CRPPA: variants seen among roughly 807,000 people sequenced by gnomAD.
The protein encoded by CRPPA is D-ribitol-5-phosphate cytidylyltransferase.
A neutral mutation model predicts 52.0 loss-of-function variants in CRPPA; 43 were observed. The observed-to-expected ratio is 0.83, with a 90% CI of 0.65 to 1.07. The LOEUF is 1.07. Ranked by LOEUF, CRPPA falls within the 50% of genes least tolerant of loss-of-function variation. The pLI is 0.00. For synonymous variants in CRPPA, 250 were observed against 203.5 expected, an observed-to-expected ratio of 1.23 and a Z score of -1.94; for missense variants, 629 against 551.7, an observed-to-expected ratio of 1.14 and a Z score of -1.40.
chr7:16,347,952 C>T (rs1786056908), intron 3 of CRPPA, among the ~76,000 whole-genome samples: 1 of 152,182 alleles, frequency 6.6e-6, no homozygotes, highest in Admixed American at 6.5e-5. Context: ...GGCACAAAAG[C>T]ACTTCCAGGG....
chr7:16,221,616 C>A (rs1279536044), intron 8 of CRPPA, among the ~76,000 whole-genome samples: 3 of 151,780 alleles, frequency 2.0e-5, no homozygotes, highest in Non-Finnish European at 4.4e-5. Flanking sequence ...ACAAACAACC[C>A]CATCAGAAAG....
At chr7:16,148,474 G>A (rs901497816) in intron 9 of CRPPA, among the ~76,000 whole-genome samples, 2 of 152,054 alleles carry the variant, frequency 1.3e-5, no homozygotes, top group African/African-American at 4.8e-5. Context: ...TTGAAATCCT[G>A]TCATTTGCAG....
intron 9 of CRPPA, among the ~76,000 whole-genome samples, chr7:16,124,486 T>G (rs973626120): frequency 7.2e-5 from 11 of 152,172 alleles, no homozygotes; most frequent in African/African-American, 2.7e-4. Context: ...CATAAAGAGA[T>G]AAATGCTACA....
chr7:16,350,428 G>C (rs1786118402), intron 3 of CRPPA, among the ~76,000 whole-genome samples: 3 of 151,916 alleles, frequency 2.0e-5, no homozygotes, highest in African/African-American at 7.3e-5. Flanking sequence ...ACCTAAAGCT[G>C]GAATAATTTC....
At chr7:16,208,537 C>G (rs1782027220) in intron 9 of CRPPA, among the ~76,000 whole-genome samples, 1 of 152,148 alleles carries the variant, frequency 6.6e-6, no homozygotes, top group South Asian at 2.1e-4. Flanking sequence ...TGGAACCTCC[C>G]TTTATGACAC....
chr7:16,133,494 T>C (rs2128373448), intron 9 of CRPPA, among the ~76,000 whole-genome samples: 1 of 124,794 alleles, frequency 8.0e-6, no homozygotes, highest in East Asian at 3.5e-4. Context: ...CCACCTCCTG[T>C]TGCTATTTCA....
intron 2 of CRPPA, among the ~76,000 whole-genome samples, chr7:16,404,965 T>G (rs1262537687): frequency 1.3e-5 from 2 of 152,188 alleles, no homozygotes; most frequent in African/African-American, 4.8e-5. Context: ...TCTATGAAAT[T>G]CTTACACAGT....
chr7:16,263,557 G>T (rs1239767117), intron 6 of CRPPA, among the ~76,000 whole-genome samples: 6 of 152,128 alleles, frequency 3.9e-5, no homozygotes, highest in Non-Finnish European at 7.4e-5. Context: ...TTCAAGACCA[G>T]CCTGGCCAAG....
intron 3 of CRPPA, among the ~76,000 whole-genome samples, chr7:16,361,790 C>G (rs1786451828): frequency 6.6e-6 from 1 of 152,202 alleles, no homozygotes; most frequent in Non-Finnish European, 1.5e-5. Context: ...CTTAATGTCA[C>G]TGAACCACAC....
rs1295420487 is a variant in CRPPA, at chr7:16,406,080, G to A, written c.515C>T (p.Thr172Ile). 3 of 1,613,478 alleles carry A rather than the reference G, an allele frequency of 1.9e-6. No homozygotes were observed. Among genetic ancestry groups the A allele is most frequent in the Non-Finnish European group, 2.5e-6 (3 of 1,179,674 alleles). Residue 172 changes from threonine (T) to isoleucine (I), a missense_variant, in exon 2 of 10, where the codon ACA becomes ATA. Coordinates refer to ENST00000407010, the MANE Select transcript of CRPPA (RefSeq NM_001101426.4). Reference protein sequence around the residue: ...VEEGVLLKVVTAAKEHGAAGA... With the variant: ...VEEGVLLKVVIAAKEHGAAGA... ...ACTTACCCCGTGTTCCTTAGCAGCT[G>A]TGACAACTTTAAGAAGGACACCTTC...
chr7:16,118,708 C>G (rs987435578), intron 9 of CRPPA, among the ~76,000 whole-genome samples: 6 of 152,170 alleles, frequency 3.9e-5, no homozygotes, highest in African/African-American at 1.4e-4. Flanking sequence ...CTGAGGATGA[C>G]TGGAAACAAA....
At chr7:16,180,556 A>C (rs1306312770) in intron 9 of CRPPA, among the ~76,000 whole-genome samples, 3 of 152,046 alleles carry the variant, frequency 2.0e-5, no homozygotes, top group Non-Finnish European at 4.4e-5. Flanking sequence ...TTACATGCGC[A>C]TGTGGCAAGC....
intron 1 of CRPPA, among the ~76,000 whole-genome samples, chr7:16,409,846 C>T (rs1788036608): frequency 1.3e-5 from 2 of 152,046 alleles, no homozygotes; most frequent in South Asian, 2.1e-4. Context: ...ATTTTATTTC[C>T]TCTTCTAGAA....
intron 9 of CRPPA, among the ~76,000 whole-genome samples, chr7:16,148,156 T>C (rs999211681): frequency 1.4e-4 from 22 of 152,162 alleles, no homozygotes; most frequent in Non-Finnish European, 4.4e-5. Flanking sequence ...CAAACATGTA[T>C]ACATACTATA....
chr7:16,330,856 G>C (rs1329718542), intron 3 of CRPPA, among the ~76,000 whole-genome samples: 2 of 152,184 alleles, frequency 1.3e-5, no homozygotes, highest in African/African-American at 4.8e-5. Context: ...TAATGAACCT[G>C]TGGGAAACAA....
rs77981886 is a variant in CRPPA, at chr7:16,317,775, T to C, written c.685-9148A>G. Among the ~76,000 whole-genome samples the C allele has an allele frequency of 7.9e-5, 12 of 152,316 alleles. No individual in the cohort carries two copies. In the East Asian group the frequency reaches 2.3e-3, roughly 29 times the overall value. ...GGGACACATCCAGAAGTGAAATTGC[T>C]AAATTATATGTGAGTTCTATTTTCA... On this transcript the variant is annotated intron_variant, in intron 3 of 9. Coordinates refer to ENST00000407010, the MANE Select transcript of CRPPA (RefSeq NM_001101426.4).
At chr7:16,170,423 G>C (rs1781156192) in intron 9 of CRPPA, among the ~76,000 whole-genome samples, 1 of 152,212 alleles carries the variant, frequency 6.6e-6, no homozygotes, top group Admixed American at 6.5e-5. Flanking sequence ...CTGATGTTCG[G>C]AGTTTCTTCC....
chr7:16,336,510 CA>C (rs1443494091), intron 3 of CRPPA, among the ~76,000 whole-genome samples: 1 of 145,612 alleles, frequency 6.9e-6, no homozygotes, highest in African/African-American at 2.5e-5. Context: ...AAGAAAGTAT[CA>C]AAGCATACCA....
chr7:16,184,085 G>A (rs2128388462), intron 9 of CRPPA, among the ~76,000 whole-genome samples: 1 of 152,026 alleles, frequency 6.6e-6, no homozygotes, highest in African/African-American at 2.4e-5. Flanking sequence ...GGGACTACAG[G>A]CGCACACCAC....
Sources: gnomAD v4.1 joint callset for allele counts (sites outside exome capture counted in the v4.1 genomes callset) on GRCh38, gnomAD v4.1.1 for gene constraint, MANE v1.5 for transcripts, NCBI Gene and HGNC (gene_info 2026-07-23, HGNC 2026-07-21) for gene names.